The following NMNAT2 variants were observed in gnomAD, a reference collection of about 807,000 sequenced individuals.
NMNAT2 encodes nicotinamide/nicotinic acid mononucleotide adenylyltransferase 2.
A neutral mutation model predicts 41.6 loss-of-function variants in NMNAT2; 11 were observed. The observed-to-expected ratio is 0.26, with a 90% confidence interval of 0.17 to 0.44. The LOEUF is 0.44. Among genes scored for constraint, NMNAT2 ranks in the 20% least tolerant of loss-of-function variants. The probability of loss-of-function intolerance (pLI) is 1.00; values close to 1 mark genes in which losing one functional copy is unlikely to be tolerated. For missense variants in NMNAT2, 288 were observed against 407.7 expected (o/e 0.71, Z 2.53); for synonymous variants, 148 against 151.2 (o/e 0.98, Z 0.16).
intron 1 of NMNAT2, among the ~76,000 whole-genome samples, chr1:183,321,479 ACCTGTAATC>A (rs1662354754): frequency 6.6e-6 from 1 of 152,120 alleles, no homozygotes; most frequent in South Asian, 2.1e-4. Context: ...GGTGGCTCAC[ACCTGTAATC>A]CCAGCACTTT....
intron 1 of NMNAT2, among the ~76,000 whole-genome samples, chr1:183,379,058 CTA>C (rs1663740651): frequency 1.3e-5 from 1 of 79,410 alleles, no homozygotes; most frequent in African/African-American, 4.1e-5. Context: ...ATATCTATAT[CTA>C]TATCTATATC....
At chr1:183,271,013 T>C (rs1038231937) in intron 8 of NMNAT2, among the ~76,000 whole-genome samples, 1 of 152,094 alleles carries the variant, frequency 6.6e-6, no homozygotes, top group African/African-American at 2.4e-5. Context: ...GCTGGTTGGC[T>C]GGAAAAATGT....
intron 1 of NMNAT2, among the ~76,000 whole-genome samples, chr1:183,385,642 G>A (rs1350752801): frequency 6.6e-6 from 1 of 151,812 alleles, no homozygotes; most frequent in Non-Finnish European, 1.5e-5. Context: ...TAAACTATAG[G>A]CATTGCCTGT....
chr1:183,288,087 A>G (rs1042420804), intron 4 of NMNAT2, among the ~76,000 whole-genome samples: 1 of 152,068 alleles, frequency 6.6e-6, no homozygotes, highest in Non-Finnish European at 1.5e-5. Flanking sequence ...TTACTTCACC[A>G]CCAGAAAAGA....
intron 1 of NMNAT2, among the ~76,000 whole-genome samples, chr1:183,338,393 A>C (rs1036315550): frequency 1.3e-5 from 2 of 152,008 alleles, no homozygotes; most frequent in Admixed American, 1.3e-4. Context: ...AGGAGAAATG[A>C]CAACAGTGTA....
At chr1:183,374,085 T>A (rs1440302040) in intron 1 of NMNAT2, among the ~76,000 whole-genome samples, 1 of 152,190 alleles carries the variant, frequency 6.6e-6, no homozygotes, top group Non-Finnish European at 1.5e-5. Context: ...AAATTTTAGG[T>A]AAGGAATCTG....
chr1:183,256,130 G>A (rs188517299), intron 10 of NMNAT2, among the ~76,000 whole-genome samples: 178 of 152,146 alleles, frequency 1.2e-3, no homozygotes, highest in African/African-American at 3.7e-3. Context: ...TTGCCTTGCC[G>A]GGAGTGGTGG....
intron 1 of NMNAT2, among the ~76,000 whole-genome samples, chr1:183,377,855 T>C (rs1663713487): frequency 1.3e-5 from 2 of 152,198 alleles, no homozygotes; most frequent in Admixed American, 6.5e-5. Flanking sequence ...TTAAAAACTC[T>C]AATGAAAAAA....
chr1:183,330,682 G>A (rs764710736), intron 1 of NMNAT2, among the ~76,000 whole-genome samples: 4 of 152,220 alleles, frequency 2.6e-5, no homozygotes, highest in Admixed American at 1.3e-4. Context: ...GTTAAGCACA[G>A]TGCTGGGGCA....
chr1:183,333,323 A>G (rs1401697288), intron 1 of NMNAT2, among the ~76,000 whole-genome samples: 3 of 152,226 alleles, frequency 2.0e-5, no homozygotes, highest in Non-Finnish European at 4.4e-5. Context: ...CCCCATGAAG[A>G]TATCCACATC....
intron 1 of NMNAT2, among the ~76,000 whole-genome samples, chr1:183,308,478 G>T (rs1662043853): frequency 6.6e-6 from 1 of 152,156 alleles, no homozygotes; most frequent in Non-Finnish European, 1.5e-5. Flanking sequence ...GAAAAAACTT[G>T]CACATGTGCA....
intron 1 of NMNAT2, among the ~76,000 whole-genome samples, chr1:183,403,428 T>C (rs1351907992): frequency 2.7e-5 from 4 of 147,664 alleles, no homozygotes; most frequent in Non-Finnish European, 5.9e-5. Flanking sequence ...AAGGGACAAG[T>C]GAAGAGGAAC....
At chr1:183,411,377 C>T (rs985094039) in intron 1 of NMNAT2, among the ~76,000 whole-genome samples, 3 of 152,056 alleles carry the variant, frequency 2.0e-5, no homozygotes, top group South Asian at 2.1e-4. Context: ...TGCAGTGGTG[C>T]GATCTTGGCT....
intron 1 of NMNAT2, among the ~76,000 whole-genome samples, chr1:183,323,648 C>T (rs1662401112): frequency 6.6e-6 from 1 of 152,180 alleles, no homozygotes; most frequent in Non-Finnish European, 1.5e-5. Flanking sequence ...GAGATTCCAG[C>T]ACCAGCAAGA....
At chr1:183,336,222 C>T (rs1662675064) in intron 1 of NMNAT2, among the ~76,000 whole-genome samples, 1 of 152,008 alleles carries the variant, frequency 6.6e-6, no homozygotes, top group Non-Finnish European at 1.5e-5. Flanking sequence ...CATTTAATAA[C>T]AAAAAGACAA....
At chr1:183,363,667 T>C (rs1663356197) in intron 1 of NMNAT2, among the ~76,000 whole-genome samples, 1 of 151,830 alleles carries the variant, frequency 6.6e-6, no homozygotes, top group African/African-American at 2.4e-5. Flanking sequence ...AGCTGAGAAA[T>C]AGGAGGAAAG....
At chr1:183,271,764 T>C (rs1201717569) in intron 8 of NMNAT2, among the ~76,000 whole-genome samples, 1 of 152,176 alleles carries the variant, frequency 6.6e-6, no homozygotes, top group Non-Finnish European at 1.5e-5. Flanking sequence ...TTTTTCTTTT[T>C]TTTTTGAGAT....
intron 1 of NMNAT2, among the ~76,000 whole-genome samples, chr1:183,308,152 G>A (rs968284589): frequency 1.3e-5 from 2 of 152,190 alleles, no homozygotes; most frequent in Non-Finnish European, 2.9e-5. Flanking sequence ...AGAGCTCATA[G>A]AGGATTTTGC....
intron 1 of NMNAT2, among the ~76,000 whole-genome samples, chr1:183,311,779 T>A (rs1662127713): frequency 6.6e-6 from 1 of 150,412 alleles, no homozygotes; most frequent in South Asian, 2.1e-4. Context: ...CCTGGTGTTC[T>A]GCCCAGTGTA....
Sources: gnomAD v4.1 joint callset for allele counts (sites outside exome capture counted in the v4.1 genomes callset) on GRCh38, gnomAD v4.1.1 for gene constraint, MANE v1.5 for transcripts, NCBI Gene and HGNC (gene_info 2026-07-23, HGNC 2026-07-21) for gene names.